KDM5A: variants seen among roughly 807,000 people sequenced by gnomAD.
KDM5A encodes the protein lysine-specific demethylase 5A.
A neutral mutation model predicts 193.5 loss-of-function variants in KDM5A; 42 were observed. That is an observed-to-expected ratio of 0.22 (90% CI 0.17 to 0.28). KDM5A has a LOEUF of 0.28. Among genes scored for constraint, KDM5A ranks in the 10% least tolerant of loss-of-function variants. The probability of loss-of-function intolerance (pLI) is 1.00; values close to 1 mark genes in which losing one functional copy is unlikely to be tolerated. For synonymous variants in KDM5A, 796 were observed against 718.1 expected, an observed-to-expected ratio of 1.11 and a Z score of -1.73; for missense variants, 1,692 against 2,055.1, an observed-to-expected ratio of 0.82 and a Z score of 3.42.
chr12:367,912 T>C (rs1004899580), intron 3 of KDM5A, among the ~76,000 whole-genome samples: 1 of 151,668 alleles, frequency 6.6e-6, no homozygotes, highest in African/African-American at 2.4e-5. Context: ...TACCATATGA[T>C]GCTGCAATTT....
chr12:329,295 CAAG>C, intron 13 of KDM5A: 1 of 472,788 alleles, frequency 2.1e-6, no homozygotes, highest in South Asian at 2.2e-5. Flanking sequence ...TATTGTATAT[CAAG>C]AAGGAGTTCT....
chr12:290,974 G>A (rs1372169351), intron 27 of KDM5A, among the ~76,000 whole-genome samples: 1 of 152,096 alleles, frequency 6.6e-6, no homozygotes. Flanking sequence ...AAAGGGAGAA[G>A]GTTCTGCCAA....
chr12:293,653 C>A (rs1943330085), intron 26 of KDM5A, among the ~76,000 whole-genome samples: 1 of 151,772 alleles, frequency 6.6e-6, no homozygotes, highest in Admixed American at 6.6e-5. Context: ...GTGGTGCATG[C>A]CTGTAGTCCC....
At chr12:340,322 T>C (rs906958766) in intron 10 of KDM5A, among the ~76,000 whole-genome samples, 1 of 152,074 alleles carries the variant, frequency 6.6e-6, no homozygotes, top group Admixed American at 6.6e-5. Context: ...AGCAAATCCA[T>C]TAGCCCCAGC....
chr12:315,312 G>T (rs766201462), intron 19 of KDM5A, among the ~76,000 whole-genome samples: 14 of 152,208 alleles, frequency 9.2e-5, no homozygotes, highest in Non-Finnish European at 1.6e-4. Flanking sequence ...AGTGGCTCAT[G>T]CCTGTAATCC....
intron 26 of KDM5A, among the ~76,000 whole-genome samples, chr12:293,672 G>A (rs1943330656): frequency 1.3e-5 from 2 of 151,418 alleles, no homozygotes; most frequent in Admixed American, 6.6e-5. Flanking sequence ...CCAGCTACTT[G>A]GGAGGCTGAG....
chr12:374,248 T>A (rs1015132785), intron 3 of KDM5A, among the ~76,000 whole-genome samples: 1 of 152,220 alleles, frequency 6.6e-6, no homozygotes, highest in African/African-American at 2.4e-5. Context: ...GGACTTGCTT[T>A]AGGAATCTGG....
intron 20 of KDM5A, 59 bp from the exon 21 acceptor site, chr12:311,123 C>T (rs781207432): frequency 1.4e-6 from 2 of 1,478,094 alleles, no homozygotes; most frequent in Non-Finnish European, 1.9e-6. Context: ...TGGCAATATA[C>T]TGTTGAAAGA....
intron 3 of KDM5A, among the ~76,000 whole-genome samples, chr12:375,076 G>A (rs1448747466): frequency 2.6e-5 from 4 of 152,118 alleles, no homozygotes; most frequent in Non-Finnish European, 5.9e-5. Context: ...TTCTCCAGGA[G>A]TATCTTTGTG....
chr12:316,504 CAG>C lies in KDM5A; in HGVS notation c.2897+1600_2897+1601del, dbSNP rs373163880. ...AGAGATATGAAAGACATGTTGGAGA[CAG>C]AGTCATCAGAACCTGGTGACTGATT... On this transcript the variant is annotated intron_variant, in intron 19 of 27. Transcript: ENST00000399788. Among the ~76,000 whole-genome samples the C allele has an allele frequency of 9.4e-3, 1,429 of 152,300 alleles. 30 individuals are homozygous for C. The highest frequency in any genetic ancestry group is 0.032 in the African/African-American group (1,333 of 41,556).
intron 2 of KDM5A, 47 bp from the exon 3 acceptor site, chr12:384,200 T>C: frequency 7.0e-7 from 1 of 1,438,808 alleles, no homozygotes; most frequent in Non-Finnish European, 9.8e-7. Context: ...TTGAAATGAA[T>C]AAGAATAACA....
chr12:284,562 G>T lies in KDM5A; in HGVS notation c.*894C>A, dbSNP rs1157812901. 8.6e-6 allele frequency: 2 copies of T among 232,798 alleles called. No individual in the cohort carries two copies. Among genetic ancestry groups the T allele is most frequent in the Non-Finnish European group, 1.7e-5 (2 of 117,616 alleles). The allele number at this position is 232,798 out of a possible 1,614,324, so 14.4% of individuals were successfully genotyped here. A position where few individuals can be genotyped will look rare whatever the true frequency, so the allele number is the denominator to read the frequency against. ...CCTGGTGTCTGGAATACTTGTGAAT[G>T]AAGTTTTCCCCGAAAAGCATGCATC... On this transcript the variant is annotated 3_prime_UTR_variant, in exon 28 of 28. Transcript: ENST00000399788.
intron 7 of KDM5A, 21 bp from the exon 8 acceptor site, chr12:354,255 G>A (rs35769302): frequency 0.017 from 26,142 of 1,532,848 alleles, 1,219 homozygotes; most frequent in South Asian, 0.13. Flanking sequence ...AAAAATAAAT[G>A]AAAGTCTATT....
At chr12:304,509 T>C (rs907899876) in intron 24 of KDM5A, among the ~76,000 whole-genome samples, 2 of 149,016 alleles carry the variant, frequency 1.3e-5, no homozygotes, top group East Asian at 2.0e-4. Flanking sequence ...CAGGGGTATA[T>C]AGCTCAGTGG....
chr12:293,924 G>T (rs573533983), intron 26 of KDM5A, among the ~76,000 whole-genome samples: 7 of 151,544 alleles, frequency 4.6e-5, no homozygotes, highest in Non-Finnish European at 7.4e-5. Flanking sequence ...AGCTTACTAG[G>T]AGAAAAAGGG....
intron 19 of KDM5A, among the ~76,000 whole-genome samples, chr12:314,656 C>T (rs1462781851): frequency 6.6e-6 from 1 of 152,190 alleles, no homozygotes; most frequent in Non-Finnish European, 1.5e-5. Context: ...GATGTCTAAG[C>T]TTTCCCATCC....
intron 9 of KDM5A, among the ~76,000 whole-genome samples, chr12:351,271 C>G (rs139686843): frequency 0.011 from 1,718 of 152,184 alleles, 15 homozygotes; most frequent in Non-Finnish European, 0.017. Flanking sequence ...CGTGTGTTCT[C>G]ATTGTTCACC....
intron 3 of KDM5A, among the ~76,000 whole-genome samples, chr12:381,073 C>A (rs1230754386): frequency 1.3e-5 from 2 of 152,084 alleles, no homozygotes; most frequent in African/African-American, 4.8e-5. Flanking sequence ...CAGCTCACCA[C>A]AACCTCCACC....
Position 292,998 on chromosome 12 carries a change from C to G in KDM5A, c.4627G>C (p.Asp1543His), listed in dbSNP as rs748556691. The stretch of plus-strand genomic sequence containing the variant: ...AGTTTATTCAGCTCCTTTGATTTGT[C>G]TGCACCTAATTTTAATTTCTTCTTT... ...PRKKKLKLGADKSKELNKLAK... is the reference protein window; with the variant it reads ...PRKKKLKLGAHKSKELNKLAK... The change falls in exon 27 of 28, where the codon GAC becomes CAC. Residue 1543 changes from aspartate to histidine, a missense_variant. Asp to His is a moderately conservative substitution (Grantham distance 81). Transcript: ENST00000399788. 1 of 1,595,910 alleles carries G rather than the reference C, an allele frequency of 6.3e-7. No homozygotes were observed. Among genetic ancestry groups the G allele is most frequent in the South Asian group, 1.2e-5 (1 of 86,354 alleles).
Sources: allele counts gnomAD v4.1 joint callset (sites outside exome capture counted in the v4.1 genomes callset), GRCh38; gene constraint gnomAD v4.1.1; transcripts MANE v1.5; gene names NCBI Gene and HGNC (gene_info 2026-07-23, HGNC 2026-07-21).